COL4A3: variants seen among roughly 807,000 people sequenced by gnomAD.
COL4A3 encodes collagen type IV alpha 3 chain.
A neutral mutation model predicts 217.4 loss-of-function variants in COL4A3; 135 were observed. The ratio of observed to expected loss-of-function variants is 0.62; its 90% CI spans 0.54 to 0.72. The LOEUF is 0.72. Ranked by LOEUF, COL4A3 falls within the 30% of genes least tolerant of loss-of-function variation. The probability of loss-of-function intolerance (pLI) is 0.00; values close to 1 mark genes in which losing one functional copy is unlikely to be tolerated. For missense variants in COL4A3, 1,868 were observed against 2,119.9 expected (o/e 0.88, Z 2.33); for synonymous variants, 690 against 736.3 (o/e 0.94, Z 1.02).
In COL4A3 at chr2:227,236,663, A is replaced by ATTTTTTT. The variant is rs375943584; in HGVS notation, c.88-1299_88-1298insTTTTTTT. Among the ~76,000 whole-genome samples, 17 of 144,718 alleles carry ATTTTTTT rather than the reference A, an allele frequency of 1.2e-4. 1 individual carries two copies. The highest frequency in any genetic ancestry group is 1.8e-4 in the Non-Finnish European group (12 of 65,718). The allele number at this position is 144,718 out of a possible 152,430, so 94.9% of individuals were successfully genotyped here. On this transcript the variant is annotated intron_variant, in intron 1 of 51. Transcript: ENST00000396578. ...ATATGCAGCATATATGTCAAAACAC[A>ATTTTTTT]TTTTTTCTTTTTTTGAGACAGAGTC...
intron 11 of COL4A3, 77 bp downstream of exon 11, chr2:227,251,448 T>C: frequency 4.4e-6 from 6 of 1,371,928 alleles, no homozygotes; most frequent in Non-Finnish European, 6.2e-6. Context: ...TGCTTCTTCA[T>C]GTGGGTCACT....
chr2:227,269,305 A>G lies in COL4A3; in HGVS notation c.1505-605A>G, dbSNP rs116376919. Among the ~76,000 whole-genome samples the G allele has an allele frequency of 6.4e-3, 972 of 152,348 alleles. 12 individuals carry two copies. Among genetic ancestry groups the G allele is most frequent in the African/African-American group, 0.022 (926 of 41,568 alleles). ...AATTTGGAGAGCTAAATACCCAGAG[A>G]CATTTTTCAAAGCATTGTTCACAAC... On this transcript the variant is annotated intron_variant, in intron 23 of 51. Coordinates refer to ENST00000396578, the MANE Select transcript of COL4A3 (RefSeq NM_000091.5).
chr2:227,309,015 G>C lies in COL4A3; in HGVS notation c.4579G>C (p.Ala1527Pro), dbSNP rs1205164666. 1 of 1,614,172 alleles carries C rather than the reference G, an allele frequency of 6.2e-7. No homozygotes were observed. Among genetic ancestry groups the C allele is most frequent in the Non-Finnish European group, 8.5e-7 (1 of 1,180,014 alleles). ...TTATTCATACTGGCTGTCAACACCA[G>C]CTCTGATGCCAATGAACATGGCTCC... is the stretch of plus-strand genomic sequence containing the variant. ...NDYSYWLSTP[A>P]LMPMNMAPIT... is the part of the protein sequence containing the mutation. The change falls in exon 49 of 52, where the codon GCT (alanine) becomes CCT (proline). Residue 1527 changes from alanine (A) to proline (P), a missense_variant. Around this residue, in one of 2 missense-constraint regions of COL4A3, gnomAD observed 1,503 missense variants for 1,786.1 expected, o/e 0.84. Coordinates refer to ENST00000396578, the MANE Select transcript of COL4A3 (RefSeq NM_000091.5).
rs371460434 is a variant in COL4A3 at position 227,244,986 on chromosome 2, T to C, written c.315T>C (p.Pro105=). The change falls in exon 5 of 52, where the codon CCT becomes CCC. Residue 105 remains proline (P), a synonymous_variant. Transcript: ENST00000396578. ...GATTGCCAGGATTTTCTGGTTCTCCTGGACTTCCAGTAAGTAATGGGAAAA... is the reference window on the plus strand; with the variant it reads ...GATTGCCAGGATTTTCTGGTTCTCCCGGACTTCCAGTAAGTAATGGGAAAA... The part of the protein sequence containing the change: ...ISGLPGFSGS[P]GLPGTPGNTG... 3.1e-6 allele frequency: 5 copies of C among 1,613,056 alleles called. No individual in the cohort carries two copies. Among genetic ancestry groups the C allele is most frequent in the East Asian group, 4.5e-5 (2 of 44,818 alleles).
At chr2:227,280,727 T>G in intron 30 of COL4A3, 137 bp downstream of exon 30, 1 of 1,175,492 alleles carries the variant, frequency 8.5e-7, no homozygotes, top group South Asian at 1.2e-5. Context: ...TCTTTCCTTC[T>G]TCCTTCCTTC....
chr2:227,291,390 C>T (rs543157163), intron 37 of COL4A3, among the ~76,000 whole-genome samples: 31 of 151,584 alleles, frequency 2.0e-4, no homozygotes, highest in African/African-American at 7.3e-4. Context: ...GGTGAAACCC[C>T]GTTTCTACTA....
intron 41 of COL4A3, among the ~76,000 whole-genome samples, chr2:227,296,800 G>T (rs1342919988): frequency 1.3e-5 from 2 of 152,114 alleles, no homozygotes; most frequent in African/African-American, 2.4e-5. Context: ...TATTTTCATT[G>T]TAAGTCTTTA....
intron 1 of COL4A3, among the ~76,000 whole-genome samples, chr2:227,210,658 C>T (rs763475919): frequency 1.6e-4 from 24 of 152,294 alleles, no homozygotes; most frequent in African/African-American, 4.3e-4. Flanking sequence ...CAAGCATGCA[C>T]GCAGGTGCAC....
chr2:227,202,659 C>T (rs1174480802), intron 1 of COL4A3, among the ~76,000 whole-genome samples: 2 of 149,376 alleles, frequency 1.3e-5, no homozygotes, highest in East Asian at 2.0e-4. Flanking sequence ...GGTGTGAACC[C>T]GGGAGGCAGA....
At chr2:227,279,923 G>A in intron 29 of COL4A3, 33 bp downstream of exon 29, 1 of 1,516,284 alleles carries the variant, frequency 6.6e-7, no homozygotes, top group Non-Finnish European at 9.0e-7. Flanking sequence ...ACAGAAGAGA[G>A]GGTGGGTGAC....
chr2:227,208,758 G>A (rs899140333), intron 1 of COL4A3, among the ~76,000 whole-genome samples: 5 of 136,680 alleles, frequency 3.7e-5, no homozygotes, highest in African/African-American at 1.2e-4. Context: ...CCCATTAGGC[G>A]GTTGGTTACA....
intron 1 of COL4A3, among the ~76,000 whole-genome samples, chr2:227,180,881 A>C (rs1485629405): frequency 2.0e-5 from 3 of 152,198 alleles, no homozygotes; most frequent in Non-Finnish European, 4.4e-5. Context: ...ACTTCCTGGA[A>C]TGCATTAAGG....
chr2:227,172,313 C>T (rs1241099614), intron 1 of COL4A3, among the ~76,000 whole-genome samples: 2 of 152,150 alleles, frequency 1.3e-5, no homozygotes, highest in African/African-American at 4.8e-5. Context: ...CCTGATGAGG[C>T]GGGGGCCCTC....
At chr2:227,212,187 T>C (rs951822902) in intron 1 of COL4A3, among the ~76,000 whole-genome samples, 9 of 150,778 alleles carry the variant, frequency 6.0e-5, no homozygotes, top group Admixed American at 5.4e-4. Context: ...TTCTTATTGA[T>C]TCTTGGGCAC....
At position 227,167,236 on chromosome 2, in the gene COL4A3, T is replaced by A. The variant is rs545445322; in HGVS notation, c.87+2423T>A. 3.9e-5 allele frequency among the ~76,000 whole-genome samples: 6 copies of A among 152,382 alleles called. 1 individual carries two copies. In the East Asian group the frequency reaches 1.2e-3, roughly 29 times the overall value. On this transcript the variant is annotated intron_variant, in intron 1 of 51. Coordinates refer to ENST00000396578, the MANE Select transcript of COL4A3 (RefSeq NM_000091.5). Reference sequence around the variant, plus strand: ...TCGCTCCAATTTATTCAGTTTTACTTTAGCATTTCTCAAAACAGGGAAATA... The same window carrying A: ...TCGCTCCAATTTATTCAGTTTTACTATAGCATTTCTCAAAACAGGGAAATA...
At chr2:227,177,110 G>C (rs1246346844) in intron 1 of COL4A3, among the ~76,000 whole-genome samples, 1 of 150,250 alleles carries the variant, frequency 6.7e-6, no homozygotes, top group East Asian at 1.9e-4. Context: ...CCTAACAACA[G>C]ACTGGTGAAA....
In COL4A3 at chr2:227,253,465, A is replaced by G. The variant is rs770356847; in HGVS notation, c.688-96A>G. ...TTCATTTGTTCTATCTTCCCGTATA[A>G]GCACTAAAGGGGAAAAGTAGACCTT... On this transcript the variant is annotated intron_variant, in intron 12 of 51. Coordinates refer to ENST00000396578, the MANE Select transcript of COL4A3 (RefSeq NM_000091.5). The surrounding 1 kb of genome is among the most constrained non-coding windows in gnomAD (Gnocchi z 4.4). 2.2e-5 allele frequency: 31 copies of G among 1,407,342 alleles called. No individual in the cohort carries two copies. In the Admixed American group the frequency reaches 2.8e-4, roughly 13 times the overall value. 87.2% of individuals were successfully genotyped at this position (1,407,342 alleles called of 1,614,324 possible).
intron 1 of COL4A3, among the ~76,000 whole-genome samples, chr2:227,195,556 A>G (rs930401546): frequency 3.3e-5 from 5 of 152,164 alleles, no homozygotes; most frequent in Admixed American, 6.5e-5. Flanking sequence ...TAGCACGTGC[A>G]GTTATGTACG....
At chr2:227,234,518 T>A (rs1462631387) in intron 1 of COL4A3, among the ~76,000 whole-genome samples, 2 of 152,212 alleles carry the variant, frequency 1.3e-5, no homozygotes, top group Non-Finnish European at 2.9e-5. Context: ...GCCTTCAAAT[T>A]GGATGCAAAT....
Sources: gnomAD v4.1 joint callset for allele counts (sites outside exome capture counted in the v4.1 genomes callset) on GRCh38, gnomAD v4.1.1 for gene constraint, gnomAD v4.1.1 regional missense constraint, Gnocchi (gnomAD v3.1) non-coding constraint, MANE v1.5 for transcripts, NCBI Gene and HGNC (gene_info 2026-07-23, HGNC 2026-07-21) for gene names.